Variants in HSPG2 observed in about 807,000 individuals in gnomAD.
HSPG2 encodes heparan sulfate proteoglycan 2.
A neutral mutation model predicts 526.6 loss-of-function variants in HSPG2; 278 were observed. The observed-to-expected ratio is 0.53, with a 90% CI of 0.48 to 0.58. The LOEUF is 0.58. Ranked by LOEUF, HSPG2 falls within the 20% of genes least tolerant of loss-of-function variation. The pLI is 0.00. For missense variants in HSPG2, 5,354 were observed against 6,099.5 expected, an observed-to-expected ratio of 0.88 and a Z score of 4.07; for synonymous variants, 2,465 against 2,555.4, an observed-to-expected ratio of 0.96 and a Z score of 1.07.
chr1:21,872,155 CGGCTGACCCTGGTGCTT>C lies in HSPG2; in HGVS notation c.4221+14_4221+30del. On this transcript the variant is annotated intron_variant, in intron 33 of 96. Coordinates refer to ENST00000374695, the MANE Select transcript of HSPG2 (RefSeq NM_005529.7). This position sits in a 1 kb window ranked among gnomAD's most constrained non-coding sequence, Gnocchi z 5.5. ...CAGAGGTGAACTCATGTCTGAGTCA[CGGCTGACCCTGGTGCTT>C]GGCTGGGGCCCACCTTGTCTCCCTG... is the stretch of plus-strand genomic sequence containing the variant. The C allele has an allele frequency of 1.3e-6, 2 of 1,550,338 alleles. No individual in the cohort carries two copies. Among genetic ancestry groups the C allele is most frequent in the Non-Finnish European group, 1.7e-6 (2 of 1,146,006 alleles).
chr1:21,836,171 G>A (rs1161775118), intron 75 of HSPG2, among the ~76,000 whole-genome samples: 2 of 152,158 alleles, frequency 1.3e-5, no homozygotes, highest in East Asian at 1.9e-4. Flanking sequence ...CAGTTATCAA[G>A]TAGCAGAGCT....
intron 55 of HSPG2, 196 bp downstream of exon 55, chr1:21,851,350 A>G (rs1388817346): frequency 5.7e-6 from 4 of 696,814 alleles, no homozygotes; most frequent in Non-Finnish European, 9.6e-6. Flanking sequence ...CGAGGTCACA[A>G]GCTAAGTGGT....
At chr1:21,924,737 C>T (rs997182485) in intron 1 of HSPG2, among the ~76,000 whole-genome samples, 2 of 152,088 alleles carry the variant, frequency 1.3e-5, no homozygotes, top group African/African-American at 2.4e-5. Flanking sequence ...CCAACCTTAA[C>T]GACTCTGGCA....
At position 21,880,848 on chromosome 1, in the gene HSPG2, G is replaced by T; in HGVS notation, c.1819-13C>A. On this transcript the variant is annotated splice_polypyrimidine_tract_variant and intron_variant, in intron 14 of 96. Transcript: ENST00000374695. Reference sequence around the variant, plus strand: ...CATAGGAGTCCACCTGGCACAACAGGGTGGATCAGCACGGGCAGCTGTGGG... The same window carrying T: ...CATAGGAGTCCACCTGGCACAACAGTGTGGATCAGCACGGGCAGCTGTGGG... The T allele has an allele frequency of 6.3e-7, 1 of 1,584,352 alleles. No homozygotes were observed. Among genetic ancestry groups the T allele is most frequent in the Non-Finnish European group, 8.6e-7 (1 of 1,166,232 alleles).
chr1:21,882,663 G>A (rs997741672), intron 13 of HSPG2, among the ~76,000 whole-genome samples: 3 of 152,118 alleles, frequency 2.0e-5, no homozygotes, highest in Admixed American at 1.3e-4. Flanking sequence ...GTCTTGTGCT[G>A]CTCAGGAATG....
Position 21,887,616 on chromosome 1 carries a change from T to A in HSPG2, c.762A>T (p.Leu254Phe). The A allele has an allele frequency of 1.9e-6, 3 of 1,613,880 alleles. No individual in the cohort carries two copies. Among genetic ancestry groups the A allele is most frequent in the Non-Finnish European group, 2.5e-6 (3 of 1,179,982 alleles). The change falls in exon 8 of 97, where the codon TTA becomes TTT. Residue 254 changes from leucine to phenylalanine, a missense_variant. By Grantham distance (22) the Leu-to-Phe change is conservative. Transcript: ENST00000374695. The surrounding 1 kb of genome is among the most constrained non-coding windows in gnomAD (Gnocchi z 5.0). ...TGATGGTTGTCTCTGGCCGGGGCGG[T>A]AAAGATGTCGTCTCCACAAGGAGAG... ...TFSLLVETTS[L>F]PPRPETTIMR...
At chr1:21,917,190 G>A (rs988269729) in intron 1 of HSPG2, among the ~76,000 whole-genome samples, 4 of 151,964 alleles carry the variant, frequency 2.6e-5, no homozygotes, top group African/African-American at 9.7e-5. Flanking sequence ...CTAGCTCTTC[G>A]GGAGGCTGAG....
intron 42 of HSPG2, 65 bp from the exon 43 acceptor site, chr1:21,857,450 G>T (rs1054673937): frequency 2.8e-6 from 4 of 1,421,786 alleles, no homozygotes; most frequent in Non-Finnish European, 2.0e-6. Flanking sequence ...TGGCCACTTT[G>T]TCTTTCTCCA....
At chr1:21,888,552 C>T (rs547828405) in intron 6 of HSPG2, 142 of 594,740 alleles carry the variant, frequency 2.4e-4, no homozygotes, top group Non-Finnish European at 3.2e-4. Context: ...GCAATCCTCC[C>T]GTCTTGGCCT....
chr1:21,893,229 C>T lies in HSPG2; in HGVS notation c.245-2535G>A, dbSNP rs1642492801. Reference sequence around the variant, plus strand: ...CGGGTGGGCCCAGGATTGGCCTGTGCTGGGGTGGACACAAGTGGCCTCTGG... The same window carrying T: ...CGGGTGGGCCCAGGATTGGCCTGTGTTGGGGTGGACACAAGTGGCCTCTGG... On this transcript the variant is annotated intron_variant, in intron 3 of 96. Coordinates refer to ENST00000374695, the MANE Select transcript of HSPG2 (RefSeq NM_005529.7). The surrounding 1 kb of genome is among the most constrained non-coding windows in gnomAD (Gnocchi z 4.3). Among the ~76,000 whole-genome samples the T allele has an allele frequency of 6.6e-6, 1 of 152,212 alleles. No individual in the cohort carries two copies. The highest frequency in any genetic ancestry group is 2.4e-5 in the African/African-American group (1 of 41,456).
Position 21,904,766 on chromosome 1 carries a change from A to G in HSPG2, c.64-8456T>C, listed in dbSNP as rs1239712926. ...GGGGGTCGAACACTATCTGCCAGGC[A>G]CCACGGCTGCCGGCAACACCTGCAG... On this transcript the variant is annotated intron_variant, in intron 1 of 96. Transcript: ENST00000374695. This position sits in a 1 kb window ranked among gnomAD's most constrained non-coding sequence, Gnocchi z 4.4. Among the ~76,000 whole-genome samples the G allele has an allele frequency of 1.3e-5, 2 of 152,238 alleles. No individual in the cohort carries two copies. The highest frequency in any genetic ancestry group is 2.9e-5 in the Non-Finnish European group (2 of 67,996).
At chr1:21,867,156 A>G (rs961361479) in intron 33 of HSPG2, among the ~76,000 whole-genome samples, 2 of 120,508 alleles carry the variant, frequency 1.7e-5, no homozygotes, top group African/African-American at 6.5e-5. Flanking sequence ...GGGTCTCCCT[A>G]TGTTGCTCAG....
chr1:21,827,878 C>A lies in HSPG2; in HGVS notation c.12574G>T (p.Gly4192Cys). ...AAGTACTCACCATTGCCCCCGCTGC[C>A]TTCAAGATGCCAGTCGGACTCTGCT... ...GIAESDWHLE[G>C]SGGNDAPGQY... The change falls in exon 91 of 97, where the codon GGC becomes TGC. Residue 4192 changes from glycine to cysteine, a missense_variant. Physicochemically the swap from Gly to Cys is radical, Grantham distance 159. Coordinates refer to ENST00000374695, the MANE Select transcript of HSPG2 (RefSeq NM_005529.7). 6.3e-7 allele frequency: 1 copy of A among 1,590,220 alleles called. No homozygotes were observed. Among genetic ancestry groups the A allele is most frequent in the Non-Finnish European group, 8.6e-7 (1 of 1,168,342 alleles).
chr1:21,887,121 G>A lies in HSPG2; in HGVS notation c.1078+94C>T. The A allele has an allele frequency of 8.4e-7, 1 of 1,185,632 alleles. No homozygotes were observed. The highest frequency in any genetic ancestry group is 1.2e-6 in the Non-Finnish European group (1 of 857,902). The allele number at this position is 1,185,632 out of a possible 1,614,324, so 73.4% of individuals were successfully genotyped here. On this transcript the variant is annotated intron_variant, in intron 9 of 96. Coordinates refer to ENST00000374695, the MANE Select transcript of HSPG2 (RefSeq NM_005529.7). The surrounding 1 kb of genome is among the most constrained non-coding windows in gnomAD (Gnocchi z 5.0). Reference sequence around the variant, plus strand: ...GACTGGGGAGGGGGGAAAGCGGAGGGGCAGGGTAGGGGCGGGGCAGGAGTG... The same window carrying A: ...GACTGGGGAGGGGGGAAAGCGGAGGAGCAGGGTAGGGGCGGGGCAGGAGTG...
At position 21,842,377 on chromosome 1, in the gene HSPG2, G is replaced by C; in HGVS notation, c.8914C>G (p.His2972Asp). The C allele has an allele frequency of 6.2e-7, 1 of 1,605,886 alleles. No individual in the cohort carries two copies. Residue 2972 changes from histidine to aspartate, a missense_variant, in exon 68 of 97, where the codon CAT becomes GAT. Transcript: ENST00000374695. ...GGSLPARHQT[H>D]GSQLRLHLVS... ...AGGTGGAGCCGCAGCTGGGAGCCAT[G>C]GGTCTGTCAGAGCAGCGAGGGGACA... is the stretch of plus-strand genomic sequence containing the variant.
chr1:21,895,774 C>T lies in HSPG2; in HGVS notation c.244+148G>A. The T allele has an allele frequency of 2.6e-6, 2 of 769,274 alleles. No individual in the cohort carries two copies. Among genetic ancestry groups the T allele is most frequent in the Non-Finnish European group, 2.3e-6 (1 of 439,152 alleles). The allele number at this position is 769,274 out of a possible 1,614,324, so 47.7% of individuals were successfully genotyped here. A position where few individuals can be genotyped will look rare whatever the true frequency, so the allele number is the denominator to read the frequency against. On this transcript the variant is annotated intron_variant, in intron 3 of 96. Transcript: ENST00000374695. The surrounding 1 kb of genome is among the most constrained non-coding windows in gnomAD (Gnocchi z 4.1). ...GGGACCTGCCAATCAGTCTGCACAA[C>T]TGTCACTCAGCAGGTTAAGAGATCA...
At chr1:21,869,189 C>A (rs898901412) in intron 33 of HSPG2, among the ~76,000 whole-genome samples, 3 of 152,190 alleles carry the variant, frequency 2.0e-5, no homozygotes, top group African/African-American at 7.2e-5. Flanking sequence ...TCTCTCTGGG[C>A]GTGGCCTGGG....
intron 65 of HSPG2, among the ~76,000 whole-genome samples, chr1:21,843,888 G>A (rs1434818325): frequency 1.3e-5 from 2 of 152,110 alleles, no homozygotes; most frequent in Non-Finnish European, 2.9e-5. Context: ...CACCTGCCTC[G>A]GCCTCCCAAA....
At chr1:21,909,502 A>G (rs1227548947) in intron 1 of HSPG2, among the ~76,000 whole-genome samples, 1 of 152,220 alleles carries the variant, frequency 6.6e-6, no homozygotes, top group Non-Finnish European at 1.5e-5. Context: ...GTTGCTTAGA[A>G]AAAGCACAAC....
Sources: gnomAD v4.1 joint callset for allele counts (sites outside exome capture counted in the v4.1 genomes callset) on GRCh38, gnomAD v4.1.1 for gene constraint, Gnocchi (gnomAD v3.1) non-coding constraint, MANE v1.5 for transcripts, NCBI Gene and HGNC (gene_info 2026-07-23, HGNC 2026-07-21) for gene names.